TMEM243: variants seen among roughly 807,000 people sequenced by gnomAD.
TMEM243 encodes the protein transmembrane protein 243, also known as MDR1 and mitochondrial taxol resistance associated.
Under a neutral mutation model 15.0 loss-of-function variants are expected in TMEM243, and 20 were observed. That is an observed-to-expected ratio of 1.33 (90% CI 0.94 to 1.93). The LOEUF is 1.93. TMEM243 is among the 30% of genes most tolerant of loss of function. The pLI, the probability that TMEM243 is intolerant of heterozygous loss-of-function variation, is 0.00. For synonymous variants in TMEM243, 72 were observed against 52.7 expected, an observed-to-expected ratio of 1.37 and a Z score of -1.59; for missense variants, 156 against 142.1, an observed-to-expected ratio of 1.10 and a Z score of -0.50.
At chr7:87,197,803 T>A (rs1249838024) in intron 3 of TMEM243, 138 bp downstream of exon 3, 2 of 1,529,830 alleles carry the variant, frequency 1.3e-6, no homozygotes, top group Admixed American at 4.1e-5. Flanking sequence ...TATTGAGAAT[T>A]CTAACATACT....
At chr7:87,215,849 A>G (rs1008947387) in intron 1 of TMEM243, among the ~76,000 whole-genome samples, 5 of 152,190 alleles carry the variant, frequency 3.3e-5, no homozygotes, top group African/African-American at 1.2e-4. Context: ...TCTTGTCAAT[A>G]ATCCCTAGGA....
chr7:87,209,534 G>GAA (rs1487519076), intron 1 of TMEM243, among the ~76,000 whole-genome samples: 10 of 45,978 alleles, frequency 2.2e-4, no homozygotes, highest in South Asian at 1.5e-3. Context: ...GAGAGTGAGA[G>GAA]AGAAAGTGAG....
chr7:87,205,616 A>G (rs1802160034), intron 1 of TMEM243, among the ~76,000 whole-genome samples: 1 of 152,208 alleles, frequency 6.6e-6, no homozygotes, highest in Non-Finnish European at 1.5e-5. Context: ...TTGCTAAAAC[A>G]TAACAAGAGT....
chr7:87,208,243 G>A (rs1435667891), intron 1 of TMEM243, among the ~76,000 whole-genome samples: 1 of 152,200 alleles, frequency 6.6e-6, no homozygotes. Context: ...GTCCACCTAT[G>A]AGTCTGTAAA....
intron 1 of TMEM243, among the ~76,000 whole-genome samples, chr7:87,210,905 C>A (rs1412648805): frequency 6.6e-6 from 1 of 152,270 alleles, no homozygotes; most frequent in Non-Finnish European, 1.5e-5. Flanking sequence ...ACAGACCCAA[C>A]AGCACGTGGA....
rs1269814303 is a variant in TMEM243 at position 87,209,680 on chromosome 7, GAC to G, written c.78+9744_78+9745del. Among the ~76,000 whole-genome samples, 98 of 124,948 alleles carry G rather than the reference GAC, an allele frequency of 7.8e-4. 5 individuals are homozygous for G. The highest frequency in any genetic ancestry group is 3.0e-3 in the African/African-American group (95 of 31,242). The allele number at this position is 124,948 out of a possible 152,430, so 82.0% of individuals were successfully genotyped here. A position where few individuals can be genotyped will look rare whatever the true frequency, so the allele number is the denominator to read the frequency against. The stretch of plus-strand genomic sequence containing the variant: ...ACAGAGCGAGAGAGAGCGAGAGCGA[GAC>G]ACAGCGAGAGAGCGAGACACAGTGA... On this transcript the variant is annotated intron_variant, in intron 1 of 3. Coordinates refer to ENST00000257637, the MANE Select transcript of TMEM243 (RefSeq NM_024315.4).
At chr7:87,198,906 TA>T in intron 2 of TMEM243, 100 bp downstream of exon 2, 1 of 1,070,624 alleles carries the variant, frequency 9.3e-7, no homozygotes, top group Non-Finnish European at 1.3e-6. Context: ...GTAATAAAAT[TA>T]AAAGCACTTA....
chr7:87,220,511 C>G (rs1417590833), upstream of TMEM243: 1 of 152,298 alleles, frequency 6.6e-6, no homozygotes, highest in Admixed American at 6.5e-5. Flanking sequence ...CCCGTCGCAG[C>G]GCTGCGGATC....
intron 1 of TMEM243, 155 bp from the exon 2 acceptor site, chr7:87,199,212 C>T (rs1801606726): frequency 3.5e-6 from 2 of 567,434 alleles, no homozygotes; most frequent in Non-Finnish European, 6.0e-6. Flanking sequence ...GCAAAGTGTA[C>T]TGAACCATAA....
At chr7:87,198,641 G>C (rs1200512186) in intron 2 of TMEM243, 1 of 288,916 alleles carries the variant, frequency 3.5e-6, no homozygotes, top group Non-Finnish European at 6.5e-6. Flanking sequence ...ACTATACACT[G>C]TGACCAAATC....
In TMEM243 at chr7:87,197,922, A is replaced by G; in HGVS notation, c.234+19T>C. On this transcript the variant is annotated intron_variant, in intron 3 of 3. Coordinates refer to ENST00000257637, the MANE Select transcript of TMEM243 (RefSeq NM_024315.4). ...CTTAAACCCTCAAGAACACTGTTTAAATTCTCAACAGTACTTACAAGTATG... is the reference window on the plus strand; with the variant it reads ...CTTAAACCCTCAAGAACACTGTTTAGATTCTCAACAGTACTTACAAGTATG... The G allele has an allele frequency of 2.5e-6, 4 of 1,612,964 alleles. No homozygotes were observed. The highest frequency in any genetic ancestry group is 3.4e-6 in the Non-Finnish European group (4 of 1,179,374).
At chr7:87,212,106 C>T (rs1354324273) in intron 1 of TMEM243, among the ~76,000 whole-genome samples, 5 of 152,090 alleles carry the variant, frequency 3.3e-5, no homozygotes, top group African/African-American at 9.7e-5. Context: ...CATGTGAAGT[C>T]GTAATAAGGA....
chr7:87,207,269 G>A (rs1287555759), intron 1 of TMEM243, among the ~76,000 whole-genome samples: 3 of 152,204 alleles, frequency 2.0e-5, no homozygotes, highest in African/African-American at 4.8e-5. Context: ...TCCCAGAGAG[G>A]GGCAAGGCAA....
intron 1 of TMEM243, among the ~76,000 whole-genome samples, chr7:87,214,317 A>G (rs898249235): frequency 6.6e-6 from 1 of 152,228 alleles, no homozygotes; most frequent in African/African-American, 2.4e-5. Flanking sequence ...AAGACTGTCC[A>G]AACTGTGTAC....
chr7:87,213,767 G>A lies in TMEM243; in HGVS notation c.78+5659C>T, dbSNP rs553622323. Among the ~76,000 whole-genome samples the A allele has an allele frequency of 2.9e-3, 390 of 132,642 alleles. 1 individual carries two copies. Among genetic ancestry groups the A allele is most frequent in the African/African-American group, 0.011 (371 of 34,874 alleles). 87.0% of individuals were successfully genotyped at this position (132,642 alleles called of 152,430 possible). A position where few individuals can be genotyped will look rare whatever the true frequency, so the allele number is the denominator to read the frequency against. ...TCATAAAAAGCCCTTGCTTTTCACC[G>A]TCTTTGTTTTCTTCTTTTTTTTTTT... On this transcript the variant is annotated intron_variant, in intron 1 of 3. Transcript: ENST00000257637.
chr7:87,213,783 T>TC, intron 1 of TMEM243, among the ~76,000 whole-genome samples: 1 of 150,140 alleles, frequency 6.7e-6, no homozygotes, highest in East Asian at 1.9e-4. Flanking sequence ...GTTTTCTTCT[T>TC]TTTTTTTTTA....
chr7:87,203,306 G>GA (rs979435609), intron 1 of TMEM243, among the ~76,000 whole-genome samples: 4 of 151,962 alleles, frequency 2.6e-5, no homozygotes, highest in Non-Finnish European at 4.4e-5. Flanking sequence ...GAATGGGGGG[G>GA]AAAAAAAGCT....
At chr7:87,217,933 T>A (rs1344607789) in intron 1 of TMEM243, among the ~76,000 whole-genome samples, 2 of 152,266 alleles carry the variant, frequency 1.3e-5, no homozygotes, top group Admixed American at 6.5e-5. Flanking sequence ...CACCAAGTCA[T>A]CTACCTCTAT....
At chr7:87,218,017 C>G (rs921104949) in intron 1 of TMEM243, among the ~76,000 whole-genome samples, 1 of 152,264 alleles carries the variant, frequency 6.6e-6, no homozygotes. Flanking sequence ...TGCTGAAGCA[C>G]GCTGGGGAGG....
Sources: allele counts gnomAD v4.1 joint callset (sites outside exome capture counted in the v4.1 genomes callset), GRCh38; gene constraint gnomAD v4.1.1; transcripts MANE v1.5; gene names NCBI Gene and HGNC (gene_info 2026-07-23, HGNC 2026-07-21).